Variants in MAP4K4 observed in about 807,000 individuals in gnomAD.
The protein encoded by MAP4K4 is HPK/GCK-like kinase HGK.
In MAP4K4, 38 loss-of-function variants were observed where a neutral mutation model predicts 189.6. The observed-to-expected ratio is 0.20, with a 90% confidence interval of 0.15 to 0.26. MAP4K4 has a LOEUF of 0.26. Among genes scored for constraint, MAP4K4 ranks in the 10% least tolerant of loss-of-function variants. The pLI is 1.00. For missense variants in MAP4K4, 1,054 were observed against 1,726.9 expected (o/e 0.61, Z 6.91); for synonymous variants, 610 against 624.3 (o/e 0.98, Z 0.34).
intron 7 of MAP4K4, among the ~76,000 whole-genome samples, chr2:101,832,192 A>G (rs1212814183): frequency 6.6e-6 from 1 of 152,166 alleles, no homozygotes; most frequent in African/African-American, 2.4e-5. Flanking sequence ...AAATATTGCC[A>G]ATATAAAGTA....
chr2:101,854,788 T>C (rs919153236), intron 12 of MAP4K4, among the ~76,000 whole-genome samples: 6 of 152,176 alleles, frequency 3.9e-5, no homozygotes, highest in African/African-American at 1.2e-4. Context: ...GTGTCACAAA[T>C]AAAGTTTGTG....
chr2:101,709,598 GCCAAA>G (rs2044299357), intron 2 of MAP4K4, among the ~76,000 whole-genome samples: 1 of 152,116 alleles, frequency 6.6e-6, no homozygotes, highest in Non-Finnish European at 1.5e-5. Context: ...TAGGAACTAG[GCCAAA>G]CTAGTTTTTC....
chr2:101,797,225 C>A, intron 3 of MAP4K4: 2 of 1,288,452 alleles, frequency 1.6e-6, no homozygotes, highest in African/African-American at 1.5e-5. Flanking sequence ...GCCTGTGGGA[C>A]CTATTGTTCT....
intron 3 of MAP4K4, among the ~76,000 whole-genome samples, chr2:101,797,888 A>ATTTTTTTTTTTTTTTTTTTTTTTT (rs1558971586): frequency 1.3e-4 from 1 of 7,624 alleles, no homozygotes; most frequent in Non-Finnish European, 2.3e-4. Flanking sequence ...ACATTCTTTT[A>ATTTTTTTTTTTTTTTTTTTTTTTT]GTTTTTTTTT....
chr2:101,859,734 A>G, exon 15 of MAP4K4: 1 of 1,612,434 alleles, frequency 6.2e-7, no homozygotes. Flanking sequence ...CTGTCTCTAC[A>G]GCATGACCAT....
chr2:101,875,049 T>G (rs1332872113), intron 26 of MAP4K4, among the ~76,000 whole-genome samples: 1 of 152,222 alleles, frequency 6.6e-6, no homozygotes, highest in Non-Finnish European at 1.5e-5. Context: ...TTTAAAAAAA[T>G]CTACTTGATA....
At chr2:101,702,426 G>A (rs1255643531) in intron 2 of MAP4K4, among the ~76,000 whole-genome samples, 2 of 152,002 alleles carry the variant, frequency 1.3e-5, no homozygotes, top group Non-Finnish European at 2.9e-5. Context: ...AAAATTAGCC[G>A]GGTGTAGTGG....
Position 101,698,545 on chromosome 2 carries a change from G to A in MAP4K4, c.123+7G>A, listed in dbSNP as rs752998794. 48 of 1,612,928 alleles carry A rather than the reference G, an allele frequency of 3.0e-5. No homozygotes were observed. The East Asian group carries it at 1.0e-3, about 34-fold the overall frequency. On this transcript the variant is annotated splice_region_variant and intron_variant, in intron 2 of 32. Coordinates refer to ENST00000324219, the Ensembl canonical transcript of MAP4K4. ...CTATGGACAAGTCTATAAGGTCGGT[G>A]TGGGCGCCTTCTTTGTTTCCCGTGG...
chr2:101,893,384 G>A (rs2098595493), exon 33 of MAP4K4: 1 of 367,262 alleles, frequency 2.7e-6, no homozygotes, highest in African/African-American at 2.1e-5. Context: ...CCTAGAGAAG[G>A]TTGAAAAATT....
intron 2 of MAP4K4, among the ~76,000 whole-genome samples, chr2:101,763,640 T>G (rs973909339): frequency 7.2e-5 from 11 of 152,222 alleles, no homozygotes; most frequent in Non-Finnish European, 1.3e-4. Context: ...GTTTTAAATA[T>G]GCCAGGAGTG....
chr2:101,888,824 C>T (rs894282603), exon 32 of MAP4K4: 15 of 1,612,862 alleles, frequency 9.3e-6, no homozygotes, highest in Non-Finnish European at 1.3e-5. Context: ...AGACAATGGG[C>T]TGGGGAGAGA....
rs1040065901 is a variant in MAP4K4, at chr2:101,844,050, T to C, written c.1023-51T>C. Reference sequence around the variant, plus strand: ...TATGCTGGTGCTATTGACTCACTTATAGGACAGTGTGATCGGTGCACACCC... The same window carrying C: ...TATGCTGGTGCTATTGACTCACTTACAGGACAGTGTGATCGGTGCACACCC... On this transcript the variant is annotated intron_variant, in intron 11 of 32. Coordinates refer to ENST00000324219, the Ensembl canonical transcript of MAP4K4. The C allele has an allele frequency of 2.8e-5, 37 of 1,300,900 alleles. No homozygotes were observed. In the East Asian group the frequency reaches 3.6e-4, roughly 13 times the overall value. The allele number at this position is 1,300,900 out of a possible 1,614,324, so 80.6% of individuals were successfully genotyped here.
chr2:101,866,343 A>T (rs1417261375), intron 18 of MAP4K4, 85 bp from the exon 19 acceptor site: 1 of 1,333,844 alleles, frequency 7.5e-7, no homozygotes, highest in East Asian at 2.4e-5. Flanking sequence ...AAGACATTGG[A>T]TGGGCACACC....
chr2:101,810,583 C>G (rs961542267), intron 3 of MAP4K4, among the ~76,000 whole-genome samples: 4 of 152,060 alleles, frequency 2.6e-5, no homozygotes, highest in African/African-American at 9.7e-5. Context: ...ATTTTCCCCC[C>G]CAAGTAATTA....
intron 3 of MAP4K4, among the ~76,000 whole-genome samples, chr2:101,814,845 G>A (rs1282400353): frequency 1.6e-4 from 25 of 152,184 alleles, no homozygotes; most frequent in Non-Finnish European, 1.5e-5. Flanking sequence ...AGCTTAAGAA[G>A]CGAAAGTGGA....
chr2:101,864,335 T>A (rs1265349850), intron 17 of MAP4K4, among the ~76,000 whole-genome samples: 1 of 152,208 alleles, frequency 6.6e-6, no homozygotes, highest in African/African-American at 2.4e-5. Flanking sequence ...ATAATCTATT[T>A]TAGCAGTTTT....
At chr2:101,714,417 C>G (rs1373166084) in intron 2 of MAP4K4, among the ~76,000 whole-genome samples, 1 of 152,132 alleles carries the variant, frequency 6.6e-6, no homozygotes, top group East Asian at 1.9e-4. Context: ...AGTTAAGAAA[C>G]ATAATTTTCT....
At chr2:101,754,612 C>T (rs2071279798) in intron 2 of MAP4K4, among the ~76,000 whole-genome samples, 1 of 152,094 alleles carries the variant, frequency 6.6e-6, no homozygotes, top group East Asian at 1.9e-4. Context: ...CCTTGGCCTC[C>T]CAAAGTGCTG....
intron 2 of MAP4K4, among the ~76,000 whole-genome samples, chr2:101,754,158 A>AATGT (rs1558743468): frequency 6.6e-6 from 1 of 152,110 alleles, no homozygotes. Flanking sequence ...ATTATATGTG[A>AATGT]ATGTGAAATG....
Sources: gnomAD v4.1 joint callset for allele counts (sites outside exome capture counted in the v4.1 genomes callset) on GRCh38, gnomAD v4.1.1 for gene constraint, MANE v1.5 for transcripts, NCBI Gene and HGNC (gene_info 2026-07-23, HGNC 2026-07-21) for gene names.